Variants in PCAT7 observed in about 807,000 individuals in gnomAD.
The protein encoded by PCAT7 is prostate cancer associated transcript 7 (non-protein coding).
chr9:94,560,290 G>A (rs892429932), intron 2 of PCAT7, among the ~76,000 whole-genome samples: 4 of 152,342 alleles, frequency 2.6e-5, no homozygotes, highest in Admixed American at 2.6e-4. Context: ...CCTCCTGCAG[G>A]CACATGAGAA....
chr9:94,572,594 C>T (rs1260857269), intron 2 of PCAT7, among the ~76,000 whole-genome samples: 2 of 152,200 alleles, frequency 1.3e-5, no homozygotes, highest in Non-Finnish European at 2.9e-5. Flanking sequence ...TGTCTGACTT[C>T]CCAGCTAGAC....
intron 2 of PCAT7, chr9:94,567,600 A>G (rs1293584573): frequency 1.7e-6 from 1 of 578,582 alleles, no homozygotes; most frequent in African/African-American, 1.9e-5. Context: ...GAGCCCACAC[A>G]GGAAGCTCTA....
intron 1 of PCAT7, among the ~76,000 whole-genome samples, chr9:94,556,614 T>A (rs896476636): frequency 6.6e-6 from 1 of 152,228 alleles, no homozygotes; most frequent in African/African-American, 2.4e-5. Context: ...GATGCATAGT[T>A]TGCAAATACT....
chr9:94,559,239 C>A (rs939778575), intron 2 of PCAT7: 1 of 908,782 alleles, frequency 1.1e-6, no homozygotes, highest in African/African-American at 1.7e-5. Context: ...TTCCATCTGG[C>A]TAGCATGAGC....
At chr9:94,560,113 A>G (rs1827075002) in intron 2 of PCAT7, among the ~76,000 whole-genome samples, 1 of 152,180 alleles carries the variant, frequency 6.6e-6, no homozygotes, top group Non-Finnish European at 1.5e-5. Flanking sequence ...TGACAGAGCA[A>G]GAGCCTGTCT....
chr9:94,555,591 GA>G (rs371816596), intron 1 of PCAT7, among the ~76,000 whole-genome samples: 9 of 145,280 alleles, frequency 6.2e-5, no homozygotes, highest in East Asian at 4.5e-4. Context: ...GTGAGGGGGG[GA>G]AAATGGGCGA....
chr9:94,573,260 G>A (rs552263019), intron 3 of PCAT7, among the ~76,000 whole-genome samples: 1 of 152,138 alleles, frequency 6.6e-6, no homozygotes, highest in African/African-American at 2.4e-5. Flanking sequence ...TGTTTTCTAA[G>A]ACTTTCTGTT....
In PCAT7 at chr9:94,572,161, G is replaced by A. The variant is rs563334395; in HGVS notation, n.442-818G>A. On this transcript the variant is annotated intron_variant and non_coding_transcript_variant, in intron 2 of 8. Transcript: ENST00000647389. ...CTCCTTCTCACTTGCCTCTCTTCCC[G>A]GCAGCACCTCTTCCTCTGATTCCTT... Among the ~76,000 whole-genome samples, 29 of 152,132 alleles carry A rather than the reference G, an allele frequency of 1.9e-4. 1 individual carries two copies. Among genetic ancestry groups the A allele is most frequent in the African/African-American group, 5.3e-4 (22 of 41,502 alleles).
intron 1 of PCAT7, chr9:94,558,793 T>A (rs1366194834): frequency 1.4e-6 from 1 of 739,642 alleles, no homozygotes; most frequent in Non-Finnish European, 2.3e-6. Flanking sequence ...AAACCTGTCG[T>A]AAGCAGTTTG....
At chr9:94,559,135 G>A in exon 2 of PCAT7, 2 of 1,607,716 alleles carry the variant, frequency 1.2e-6, no homozygotes, top group South Asian at 1.1e-5. Context: ...AGCCGGAGCT[G>A]TGGAGGAACA....
chr9:94,560,982 A>G (rs1171442108), intron 2 of PCAT7, among the ~76,000 whole-genome samples: 1 of 152,072 alleles, frequency 6.6e-6, no homozygotes, highest in Non-Finnish European at 1.5e-5. Flanking sequence ...GTTGTGGTGC[A>G]TGCGGGCTGT....
chr9:94,563,155 CCTT>C (rs1311506791), intron 2 of PCAT7, among the ~76,000 whole-genome samples: 3 of 152,276 alleles, frequency 2.0e-5, no homozygotes, highest in East Asian at 3.9e-4. Context: ...CAGCCTGTCG[CCTT>C]CTTCTTCAAA....
At chr9:94,569,628 A>G (rs981988608) in intron 2 of PCAT7, 4 of 152,196 alleles carry the variant, frequency 2.6e-5, no homozygotes, top group Non-Finnish European at 5.9e-5. Context: ...TTGTGTGGTC[A>G]CCAACAACGG....
chr9:94,559,184 C>G, intron 2 of PCAT7: 1 of 1,520,010 alleles, frequency 6.6e-7, no homozygotes, highest in South Asian at 1.2e-5. Context: ...CCAAATGTCC[C>G]GAGCCATGCC....
chr9:94,561,350 GTATTT>G (rs1827097274), intron 2 of PCAT7, among the ~76,000 whole-genome samples: 5 of 59,796 alleles, frequency 8.4e-5, no homozygotes, highest in African/African-American at 2.4e-4. Flanking sequence ...CATGTGACCT[GTATTT>G]TTTTTTTTTT....
intron 1 of PCAT7, chr9:94,558,710 A>G: frequency 2.0e-6 from 1 of 500,182 alleles, no homozygotes; most frequent in East Asian, 3.8e-5. Flanking sequence ...AAGACAAGCC[A>G]AAGTCGCACT....
At chr9:94,561,961 C>T (rs1327277761) in intron 2 of PCAT7, among the ~76,000 whole-genome samples, 1 of 152,158 alleles carries the variant, frequency 6.6e-6, no homozygotes, top group Non-Finnish European at 1.5e-5. Context: ...TTAGTAATAA[C>T]TGATCTTTAT....
intron 1 of PCAT7, among the ~76,000 whole-genome samples, chr9:94,556,266 A>G (rs1232834124): frequency 4.0e-5 from 6 of 150,762 alleles, no homozygotes; most frequent in Non-Finnish European, 5.9e-5. Flanking sequence ...GGGAGGGGGA[A>G]AAAGAGGGTG....
intron 2 of PCAT7, among the ~76,000 whole-genome samples, chr9:94,561,313 T>G (rs964783686): frequency 6.7e-6 from 1 of 150,170 alleles, no homozygotes; most frequent in African/African-American, 2.4e-5. Context: ...CAGGGCTTCA[T>G]GGCACCTTGG....
Sources: gnomAD v4.1 joint callset for allele counts (sites outside exome capture counted in the v4.1 genomes callset) on GRCh38, gnomAD v4.1.1 for gene constraint, MANE v1.5 for transcripts, NCBI Gene and HGNC (gene_info 2026-07-23, HGNC 2026-07-21) for gene names.